PKHD1L1: variants seen among roughly 807,000 people sequenced by gnomAD.
PKHD1L1 encodes the protein PKHD1 like 1.
PKHD1L1 carries 434 observed loss-of-function variants against 462.9 expected under a neutral mutation model. That is an observed-to-expected ratio of 0.94 (90% CI 0.87 to 1.02). PKHD1L1 has a LOEUF of 1.02. Ranked by LOEUF, PKHD1L1 falls within the 50% of genes least tolerant of loss-of-function variation. The pLI is 0.00. For missense variants in PKHD1L1, 5,202 were observed against 5,096.1 expected (o/e 1.02, Z -0.63); for synonymous variants, 1,781 against 1,750.0 (o/e 1.02, Z -0.44).
intron 18 of PKHD1L1, among the ~76,000 whole-genome samples, chr8:109,408,980 G>A (rs897142079): frequency 3.3e-5 from 5 of 152,134 alleles, no homozygotes; most frequent in African/African-American, 1.2e-4. Context: ...ATCTCCATAG[G>A]GGGCAGCCAT....
chr8:109,393,485 G>C (rs924226369), intron 9 of PKHD1L1, among the ~76,000 whole-genome samples: 1 of 151,938 alleles, frequency 6.6e-6, no homozygotes, highest in East Asian at 1.9e-4. Context: ...ATGAATAATG[G>C]GCACTGTGTT....
chr8:109,485,282 G>A (rs1818469414), intron 58 of PKHD1L1, 109 bp downstream of exon 58: 2 of 1,066,868 alleles, frequency 1.9e-6, no homozygotes, highest in Middle Eastern at 6.3e-4. Context: ...TGTTAAAGGA[G>A]CATTTTATTC....
At chr8:109,499,484 C>A (rs1819291629) in intron 67 of PKHD1L1, among the ~76,000 whole-genome samples, 1 of 152,126 alleles carries the variant, frequency 6.6e-6, no homozygotes, top group Admixed American at 6.5e-5. Flanking sequence ...TTGCAATGCT[C>A]ATACCCTTGG....
chr8:109,431,661 T>C (rs1261066221), intron 27 of PKHD1L1, among the ~76,000 whole-genome samples: 2 of 152,238 alleles, frequency 1.3e-5, no homozygotes, highest in Non-Finnish European at 2.9e-5. Flanking sequence ...TGTGGTTTTA[T>C]GTACACCTAA....
intron 27 of PKHD1L1, among the ~76,000 whole-genome samples, chr8:109,431,967 T>C (rs954133083): frequency 9.9e-5 from 15 of 152,160 alleles, no homozygotes; most frequent in Admixed American, 9.8e-4. Flanking sequence ...CTTGCCAATA[T>C]TGGAAGTGAT....
intron 19 of PKHD1L1, among the ~76,000 whole-genome samples, chr8:109,410,499 C>T (rs1382411741): frequency 6.6e-6 from 1 of 151,864 alleles, no homozygotes; most frequent in African/African-American, 2.4e-5. Flanking sequence ...GTGCCACCCA[C>T]TTTTAAACAA....
At chr8:109,496,584 A>G (rs1475985375) in intron 63 of PKHD1L1, among the ~76,000 whole-genome samples, 1 of 152,216 alleles carries the variant, frequency 6.6e-6, no homozygotes. Flanking sequence ...GAGACTAGTT[A>G]GACAAAAGTA....
rs1348523397 is a variant in PKHD1L1 at position 109,490,995 on chromosome 8, T to A, written c.10008T>A (p.Tyr3336Ter). ...LGQIQEHGSS[Y>*]IRGCAFHHGF... The stretch of plus-strand genomic sequence containing the variant: ...AGATTCAAGAACATGGCTCATCTTA[T>A]ATTCGAGGCTGTGCTTTTCACCATG... Residue 3336 changes from tyrosine (Y) to a stop codon, truncating the protein, a stop_gained, in exon 61 of 78, where the codon TAT becomes TAA. Coordinates refer to ENST00000378402, the MANE Select transcript of PKHD1L1 (RefSeq NM_177531.6). LOFTEE classifies it high-confidence loss of function. The A allele has an allele frequency of 2.5e-6, 4 of 1,607,620 alleles. No individual in the cohort carries two copies. The highest frequency in any genetic ancestry group is 2.6e-6 in the Non-Finnish European group (3 of 1,175,594).
chr8:109,400,069 C>T lies in PKHD1L1; in HGVS notation c.1013-7C>T. ...ATGAAAGTCTTATTTTATTTCATTA[C>T]ACTTAGGAGGGAGAGGCCTGAAGCT... On this transcript the variant is annotated splice_region_variant and splice_polypyrimidine_tract_variant and intron_variant, in intron 12 of 77. Coordinates refer to ENST00000378402, the MANE Select transcript of PKHD1L1 (RefSeq NM_177531.6). 6.2e-7 allele frequency: 1 copy of T among 1,603,926 alleles called. No homozygotes were observed.
At chr8:109,461,748 G>T (rs773135400) in intron 47 of PKHD1L1, 24 bp from the exon 48 acceptor site, 3 of 1,584,854 alleles carry the variant, frequency 1.9e-6, no homozygotes, top group Admixed American at 1.8e-5. Flanking sequence ...TTTTTTTAAT[G>T]ATGCTTTAAA....
intron 2 of PKHD1L1, 141 bp from the exon 3 acceptor site, chr8:109,381,229 T>C: frequency 1.3e-6 from 1 of 744,674 alleles, no homozygotes; most frequent in East Asian, 2.8e-5. Flanking sequence ...ATTACAATCA[T>C]AAGGATAAAT....
intron 8 of PKHD1L1, 80 bp downstream of exon 8, chr8:109,389,232 C>A: frequency 9.5e-7 from 1 of 1,056,542 alleles, no homozygotes; most frequent in South Asian, 1.6e-5. Context: ...CTAGACCTCC[C>A]TCCTCTGCCC....
chr8:109,367,364 T>TA (rs1225424057), intron 2 of PKHD1L1, among the ~76,000 whole-genome samples: 2 of 152,258 alleles, frequency 1.3e-5, no homozygotes, highest in Non-Finnish European at 1.5e-5. Flanking sequence ...GATGACTACC[T>TA]ATTGGCTTCA....
intron 47 of PKHD1L1, among the ~76,000 whole-genome samples, chr8:109,460,968 A>G (rs895904854): frequency 6.6e-6 from 1 of 152,142 alleles, no homozygotes; most frequent in African/African-American, 2.4e-5. Context: ...CTCAAGGGTC[A>G]TTGGTCAGAA....
At position 109,442,068 on chromosome 8, in the gene PKHD1L1, G is replaced by A; in HGVS notation, c.4266G>A (p.Val1422=). 1 of 1,613,494 alleles carries A rather than the reference G, an allele frequency of 6.2e-7. No homozygotes were observed. Among genetic ancestry groups the A allele is most frequent in the Non-Finnish European group, 8.5e-7 (1 of 1,179,596 alleles). The change falls in exon 35 of 78, where the codon GTG becomes GTA. Residue 1422 remains valine (V), a synonymous_variant. Transcript: ENST00000378402. The part of the protein sequence containing the change: ...PVLNVSVGDT[V]AWHWQTHPFL... ...TAAATGTGTCTGTGGGGGACACAGT[G>A]GCATGGCATTGGCAAACACATCCGT...
chr8:109,461,783 A>G lies in PKHD1L1; in HGVS notation c.7258A>G (p.Thr2420Ala). Residue 2420 changes from threonine to alanine, a missense_variant, in exon 48 of 78, where the codon ACA becomes GCA. Physicochemically the swap from Thr to Ala is moderately conservative, Grantham distance 58. Transcript: ENST00000378402. Reference sequence around the variant, plus strand: ...AAACTGTTTTGAAGGAGAATTTGCTACACAGACCTGTCTCCAAGGAAAGTT... The same window carrying G: ...AAACTGTTTTGAAGGAGAATTTGCTGCACAGACCTGTCTCCAAGGAAAGTT... ...PDGFDTGEFA[T>A]QTCLQGKFGE... 4 of 1,609,096 alleles carry G rather than the reference A, an allele frequency of 2.5e-6. No individual in the cohort carries two copies. The highest frequency in any genetic ancestry group is 3.4e-6 in the Non-Finnish European group (4 of 1,177,560).
At chr8:109,380,914 G>A (rs1345544481) in intron 2 of PKHD1L1, among the ~76,000 whole-genome samples, 2 of 151,976 alleles carry the variant, frequency 1.3e-5, no homozygotes, top group African/African-American at 2.4e-5. Context: ...CCTTTTTCAT[G>A]GTACTTATCA....
intron 71 of PKHD1L1, 59 bp downstream of exon 71, chr8:109,510,993 G>T (rs1388759524): frequency 1.9e-6 from 3 of 1,554,636 alleles, no homozygotes; most frequent in African/African-American, 1.4e-5. Context: ...ATTTCTATCT[G>T]CTAAGGCTTG....
Position 109,404,557 on chromosome 8 carries a change from C to A in PKHD1L1, c.1377C>A (p.Tyr459Ter). ...DDIHLQKGKE[Y>*]YIEILLQEYR... ...CATTAGTTACTCTATTTTCCAGATA[C>A]TATATTGAAATCTTGCTGCAGGAGT... Residue 459 changes from tyrosine (Y) to a stop codon, truncating the protein, a stop_gained, in exon 15 of 78, where the codon TAC (tyrosine) becomes TAA (stop). Transcript: ENST00000378402. LOFTEE classifies it high-confidence loss of function. 1.3e-6 allele frequency: 2 copies of A among 1,532,442 alleles called. No individual in the cohort carries two copies. The highest frequency in any genetic ancestry group is 1.8e-6 in the Non-Finnish European group (2 of 1,137,248). The allele number at this position is 1,532,442 out of a possible 1,614,324, so 94.9% of individuals were successfully genotyped here. A position where few individuals can be genotyped will look rare whatever the true frequency, so the allele number is the denominator to read the frequency against.
Sources: allele counts gnomAD v4.1 joint callset (sites outside exome capture counted in the v4.1 genomes callset), GRCh38; gene constraint gnomAD v4.1.1; transcripts MANE v1.5; gene names NCBI Gene and HGNC (gene_info 2026-07-23, HGNC 2026-07-21).